The following ARHGEF28 variants were observed in gnomAD, a reference collection of about 807,000 sequenced individuals.
ARHGEF28 encodes Rho guanine nucleotide exchange factor 28, also known as 190 kDa guanine nucleotide exchange factor.
ARHGEF28 carries 152 observed loss-of-function variants against 206.6 expected under a neutral mutation model. The ratio of observed to expected loss-of-function variants is 0.74; its 90% CI spans 0.64 to 0.84. The LOEUF (loss-of-function observed/expected upper bound fraction) is 0.84. Among genes scored for constraint, ARHGEF28 ranks in the 40% least tolerant of loss-of-function variants. ARHGEF28 has a pLI of 0.00. For missense variants in ARHGEF28, 2,028 were observed against 2,073.2 expected, an observed-to-expected ratio of 0.98 and a Z score of 0.42; for synonymous variants, 763 against 776.4, an observed-to-expected ratio of 0.98 and a Z score of 0.29.
At chr5:73,898,455 C>T (rs73762543) in intron 30 of ARHGEF28, 4,569 of 165,462 alleles carry the variant, frequency 0.028, 152 homozygotes, top group South Asian at 0.099. Context: ...GGAGTCCCTG[C>T]GGTCAATTAC....
Position 73,752,932 on chromosome 5 carries a change from A to T in ARHGEF28, c.205A>T (p.Thr69Ser). The change falls in exon 4 of 36, where the codon ACG becomes TCG. Residue 69 changes from threonine (T) to serine (S), a missense_variant. This residue lies in a region of ARHGEF28 where 1,002 missense variants were observed against 1,015.3 expected (regional missense o/e 0.99). Coordinates refer to ENST00000513042, the MANE Select transcript of ARHGEF28 (RefSeq NM_001177693.2). ...VPGHGLQETV[T>S]VSVCLCSEGY... ...AGGCCATGGGCTTCAGGAGACGGTG[A>T]CGGTATCTGTGTGCCTCTGCTCGGA... 1 of 1,613,852 alleles carries T rather than the reference A, an allele frequency of 6.2e-7. No homozygotes were observed. Among genetic ancestry groups the T allele is most frequent in the Non-Finnish European group, 8.5e-7 (1 of 1,179,870 alleles).
chr5:73,919,652 T>C (rs1164396413), intron 35 of ARHGEF28, among the ~76,000 whole-genome samples: 1 of 152,220 alleles, frequency 6.6e-6, no homozygotes, highest in Non-Finnish European at 1.5e-5. Flanking sequence ...TGGGCTCTCC[T>C]ACTAGAAAGA....
chr5:73,938,026 C>T (rs532225635), intron 35 of ARHGEF28, among the ~76,000 whole-genome samples: 3 of 152,268 alleles, frequency 2.0e-5, no homozygotes, highest in Admixed American at 1.3e-4. Context: ...CAACCACAAC[C>T]ACCTCCAGTA....
At chr5:73,782,304 T>C (rs1215104216) in intron 7 of ARHGEF28, among the ~76,000 whole-genome samples, 1 of 151,950 alleles carries the variant, frequency 6.6e-6, no homozygotes, top group Non-Finnish European at 1.5e-5. Context: ...CCAGGTGTGG[T>C]GGTGTGCACC....
chr5:73,703,168 GT>G (rs937226532), intron 2 of ARHGEF28, among the ~76,000 whole-genome samples: 13 of 152,252 alleles, frequency 8.5e-5, no homozygotes, highest in African/African-American at 2.9e-4. Flanking sequence ...AGCTCAGTCA[GT>G]TTATGCAACT....
intron 2 of ARHGEF28, among the ~76,000 whole-genome samples, chr5:73,711,488 A>G (rs2112309124): frequency 6.6e-6 from 1 of 152,188 alleles, no homozygotes; most frequent in Middle Eastern, 3.4e-3. Context: ...TTTAGGTCTT[A>G]TTTTATTTCT....
intron 35 of ARHGEF28, among the ~76,000 whole-genome samples, chr5:73,932,444 T>G (rs1580122661): frequency 2.0e-5 from 3 of 152,020 alleles, no homozygotes; most frequent in Non-Finnish European, 2.9e-5. Context: ...CTAGTTCAAG[T>G]GCCCAAGTTT....
intron 9 of ARHGEF28, among the ~76,000 whole-genome samples, chr5:73,825,507 T>C (rs1457749102): frequency 1.3e-5 from 2 of 152,088 alleles, no homozygotes; most frequent in Non-Finnish European, 2.9e-5. Flanking sequence ...CATGGAAAAC[T>C]CTGGCCTTCA....
intron 7 of ARHGEF28, among the ~76,000 whole-genome samples, chr5:73,791,835 C>A (rs749141541): frequency 6.6e-5 from 10 of 152,030 alleles, no homozygotes; most frequent in Non-Finnish European, 1.2e-4. Flanking sequence ...GAGGAGTAAT[C>A]CTTACTTCTG....
chr5:73,770,035 A>C (rs773989916), intron 4 of ARHGEF28, among the ~76,000 whole-genome samples: 12 of 152,238 alleles, frequency 7.9e-5, no homozygotes, highest in Non-Finnish European at 1.3e-4. Flanking sequence ...GGCTAATTGA[A>C]AGGTATGGCC....
chr5:73,900,473 C>G (rs1326994855), intron 30 of ARHGEF28: 1 of 152,152 alleles, frequency 6.6e-6, no homozygotes, highest in African/African-American at 2.4e-5. Context: ...GAAGTGAAAT[C>G]TGTATTTGGT....
At chr5:73,727,286 T>C (rs1236919959) in intron 2 of ARHGEF28, among the ~76,000 whole-genome samples, 1 of 152,226 alleles carries the variant, frequency 6.6e-6, no homozygotes, top group Non-Finnish European at 1.5e-5. Context: ...AAAAGTGATC[T>C]TCTTGGGGAG....
intron 35 of ARHGEF28, among the ~76,000 whole-genome samples, chr5:73,934,997 G>A (rs1472306593): frequency 3.3e-5 from 5 of 152,198 alleles, no homozygotes; most frequent in Non-Finnish European, 2.9e-5. Flanking sequence ...TTGAGGGAAG[G>A]AAGAGCATGA....
intron 2 of ARHGEF28, among the ~76,000 whole-genome samples, chr5:73,730,827 T>C (rs1750579333): frequency 6.6e-6 from 1 of 152,174 alleles, no homozygotes; most frequent in African/African-American, 2.4e-5. Flanking sequence ...CTCTAGTTTA[T>C]CCTAAAAATT....
chr5:73,845,011 AT>A (rs70973277), intron 11 of ARHGEF28, among the ~76,000 whole-genome samples: 1,331 of 99,366 alleles, frequency 0.013, 9 homozygotes, highest in African/African-American at 0.033. Flanking sequence ...CAAAGGAATC[AT>A]TTTTTTTTTT....
chr5:73,655,438 C>T (rs1422789085), intron 1 of ARHGEF28, among the ~76,000 whole-genome samples: 1 of 152,186 alleles, frequency 6.6e-6, no homozygotes, highest in African/African-American at 2.4e-5. Context: ...ACATTATCTC[C>T]TTTTATCTGC....
At chr5:73,792,986 C>T (rs1451329869) in intron 7 of ARHGEF28, among the ~76,000 whole-genome samples, 1 of 152,194 alleles carries the variant, frequency 6.6e-6, no homozygotes, top group Non-Finnish European at 1.5e-5. Flanking sequence ...GCTGTGTACA[C>T]AAGCTGCCTG....
chr5:73,814,054 C>T (rs752245376), intron 9 of ARHGEF28, among the ~76,000 whole-genome samples: 4 of 151,968 alleles, frequency 2.6e-5, no homozygotes, highest in Non-Finnish European at 4.4e-5. Flanking sequence ...GCAGAGAATA[C>T]GCATGTGTTT....
Position 73,857,685 on chromosome 5 carries a change from T to C in ARHGEF28, c.1820T>C (p.Ile607Thr), listed in dbSNP as rs953160057. The C allele has an allele frequency of 1.3e-6, 2 of 1,595,588 alleles. No individual in the cohort carries two copies. Among genetic ancestry groups the C allele is most frequent in the Non-Finnish European group, 8.5e-7 (1 of 1,169,920 alleles). Residue 607 changes from isoleucine (I) to threonine (T), a missense_variant, in exon 15 of 36, where the codon ATC (isoleucine) becomes ACC (threonine). By Grantham distance (89) the Ile-to-Thr change is moderately conservative (BLOSUM62 -1). Coordinates refer to ENST00000513042, the MANE Select transcript of ARHGEF28 (RefSeq NM_001177693.2). ...RIQEEEWDKY[I>T]IPAKSESEKY... is the part of the protein sequence containing the mutation. Reference sequence around the variant, plus strand: ...CAGGAAGAAGAATGGGATAAATACATCATACCTGCCAAATCAGAGTCTGAA... The same window carrying C: ...CAGGAAGAAGAATGGGATAAATACACCATACCTGCCAAATCAGAGTCTGAA...
Sources: allele counts gnomAD v4.1 joint callset (sites outside exome capture counted in the v4.1 genomes callset), GRCh38; gene constraint gnomAD v4.1.1; regional missense constraint gnomAD v4.1.1; transcripts MANE v1.5; gene names NCBI Gene and HGNC (gene_info 2026-07-23, HGNC 2026-07-21).